Variants in FKBP1A observed in about 807,000 individuals in gnomAD.
FKBP1A encodes FKBP prolyl isomerase 1A.
Under a neutral mutation model 14.2 loss-of-function variants are expected in FKBP1A, and 5 were observed. The observed-to-expected ratio is 0.35, with a 90% CI of 0.18 to 0.74. FKBP1A has a LOEUF of 0.74. FKBP1A is among the 30% of genes least tolerant of loss of function. FKBP1A has a pLI of 0.56. For synonymous variants in FKBP1A, 42 were observed against 49.1 expected (o/e 0.86, Z 0.60); for missense variants, 53 against 138.8 (o/e 0.38, Z 3.10).
At chr20:1,370,673 T>C (rs2089452107) in intron 4 of FKBP1A, 1 of 985,310 alleles carries the variant, frequency 1.0e-6, no homozygotes, top group Non-Finnish European at 1.2e-6. Flanking sequence ...GCTGAGACAT[T>C]CTTTGGCAGT....
chr20:1,388,951 T>TCTAATGCACCGAG (rs2089700496), intron 2 of FKBP1A, among the ~76,000 whole-genome samples: 2 of 152,210 alleles, frequency 1.3e-5, no homozygotes, highest in African/African-American at 2.4e-5. Flanking sequence ...GGCTCCAGCC[T>TCTAATGCACCGAG]CAGGGTCCTG....
exon 1 of FKBP1A, chr20:1,393,035 GGGCGGCGTGGACCAACAGCGACCT>G (rs1353788926): frequency 7.3e-7 from 1 of 1,375,114 alleles, no homozygotes; most frequent in Non-Finnish European, 9.6e-7. Flanking sequence ...GCGGCGCGAC[GGGCGGCGTGGACCAACAGCGACCT>G]GGCGGCGGTT....
chr20:1,375,711 G>A, intron 2 of FKBP1A, 108 bp from the exon 3 acceptor site: 1 of 799,280 alleles, frequency 1.3e-6, no homozygotes, highest in Non-Finnish European at 2.2e-6. Flanking sequence ...GAGTCTGGCA[G>A]GAACTGCAGT....
Position 1,369,061 on chromosome 20 carries a change from G to T in FKBP1A, c.*1048C>A, listed in dbSNP as rs1458621211. ...GGTGCTGGGGGAAGGGTGCAGCAAC[G>T]ATTTCTCACCAAATCACTACACAGG... On this transcript the variant is annotated 3_prime_UTR_variant, in exon 5 of 5. Transcript: ENST00000400137. 6.0e-6 allele frequency: 1 copy of T among 166,986 alleles called. No homozygotes were observed. The highest frequency in any genetic ancestry group is 1.5e-5 in the Non-Finnish European group (1 of 68,116). The allele number at this position is 166,986 out of a possible 1,614,324, so 10.3% of individuals were successfully genotyped here.
Position 1,379,170 on chromosome 20 carries a change from C to T in FKBP1A, c.86-3567G>A, listed in dbSNP as rs1216819990. On this transcript the variant is annotated intron_variant, in intron 2 of 4. Coordinates refer to ENST00000400137, the MANE Select transcript of FKBP1A (RefSeq NM_000801.5). This position sits in a 1 kb window ranked among gnomAD's most constrained non-coding sequence, Gnocchi z 4.3. ...GATCGTATTTTGATTGCAGTGAAAG[C>T]CACAGGGTACTGAGACAGACTCCCT... Among the ~76,000 whole-genome samples the T allele has an allele frequency of 6.6e-6, 1 of 152,150 alleles. No homozygotes were observed.
In FKBP1A at chr20:1,392,821, GC is replaced by G. The variant is rs1206631403; in HGVS notation, c.85+12del. On this transcript the variant is annotated intron_variant, in intron 2 of 4. Coordinates refer to ENST00000400137, the MANE Select transcript of FKBP1A (RefSeq NM_000801.5). ...GCGGCCCGGGCCCCCTCCCCGCTGG[GC>G]CCCCGACTCACCGGTGTAGTGCACC... 8 of 1,496,234 alleles carry G rather than the reference GC, an allele frequency of 5.3e-6. No homozygotes were observed. The highest frequency in any genetic ancestry group is 2.9e-5 in the East Asian group (1 of 34,910). 92.7% of individuals were successfully genotyped at this position (1,496,234 alleles called of 1,614,324 possible).
At chr20:1,370,244 C>T in intron 4 of FKBP1A, 172 bp from the exon 5 acceptor site, 1 of 985,456 alleles carries the variant, frequency 1.0e-6, no homozygotes, top group Non-Finnish European at 1.2e-6. Context: ...TGGGCTGGGT[C>T]CCAGGTGAAA....
intron 2 of FKBP1A, among the ~76,000 whole-genome samples, chr20:1,390,183 T>C (rs1464492772): frequency 6.6e-6 from 1 of 152,058 alleles, no homozygotes; most frequent in Admixed American, 6.6e-5. Flanking sequence ...CACCCCTCTT[T>C]CTCTGGACCC....
At chr20:1,390,222 G>T (rs914666934) in intron 2 of FKBP1A, among the ~76,000 whole-genome samples, 2 of 152,030 alleles carry the variant, frequency 1.3e-5, no homozygotes, top group Non-Finnish European at 2.9e-5. Flanking sequence ...TGGACACCTG[G>T]CAAGAGCTGA....
intron 2 of FKBP1A, among the ~76,000 whole-genome samples, chr20:1,387,485 A>G (rs77538546): frequency 0.043 from 6,533 of 152,274 alleles, 490 homozygotes; most frequent in African/African-American, 0.15. Flanking sequence ...AGAGGGGGAA[A>G]AAGTCACTTG....
chr20:1,370,504 A>T, intron 4 of FKBP1A: 1 of 982,880 alleles, frequency 1.0e-6, no homozygotes, highest in African/African-American at 1.7e-5. Context: ...AAGTCTTAAA[A>T]ATTTCCCAGG....
chr20:1,370,580 A>G, intron 4 of FKBP1A: 1 of 985,404 alleles, frequency 1.0e-6, no homozygotes, highest in Non-Finnish European at 1.2e-6. Flanking sequence ...ATACTGGGAA[A>G]ATATCTCCAG....
chr20:1,390,337 A>C (rs892898904), intron 2 of FKBP1A, among the ~76,000 whole-genome samples: 5 of 77,542 alleles, frequency 6.4e-5, no homozygotes, highest in Non-Finnish European at 1.2e-4. Flanking sequence ...AAGACAGAGA[A>C]GCTGGCCATG....
rs994624170 is a variant in FKBP1A, at chr20:1,379,887, A to G, written c.86-4284T>C. Among the ~76,000 whole-genome samples, 2 of 152,228 alleles carry G rather than the reference A, an allele frequency of 1.3e-5. No homozygotes were observed. Among genetic ancestry groups the G allele is most frequent in the African/African-American group, 2.4e-5 (1 of 41,468 alleles). On this transcript the variant is annotated intron_variant, in intron 2 of 4. Coordinates refer to ENST00000400137, the MANE Select transcript of FKBP1A (RefSeq NM_000801.5). The surrounding 1 kb of genome is among the most constrained non-coding windows in gnomAD (Gnocchi z 4.3). ...GTGGGGAGGAACAGGCCACTTATCTATGGCCCTAAGTTGTCAGCCTGGGGG... is the reference window on the plus strand; with the variant it reads ...GTGGGGAGGAACAGGCCACTTATCTGTGGCCCTAAGTTGTCAGCCTGGGGG...
At chr20:1,391,460 C>T (rs893432946) in intron 2 of FKBP1A, 29 of 387,724 alleles carry the variant, frequency 7.5e-5, no homozygotes, top group Non-Finnish European at 1.2e-4. Context: ...ACTGCCTGCT[C>T]CCCAGAAAGA....
chr20:1,389,937 G>A (rs1430029401), intron 2 of FKBP1A, among the ~76,000 whole-genome samples: 2 of 152,160 alleles, frequency 1.3e-5, no homozygotes, highest in Non-Finnish European at 2.9e-5. Flanking sequence ...CTTAGCTGGT[G>A]ATAGTGAACT....
At position 1,392,852 on chromosome 20, in the gene FKBP1A, A is replaced by G; in HGVS notation, c.67T>C (p.Cys23Arg). 1 of 1,506,644 alleles carries G rather than the reference A, an allele frequency of 6.6e-7. No homozygotes were observed. The allele number at this position is 1,506,644 out of a possible 1,614,324, so 93.3% of individuals were successfully genotyped here. A position where few individuals can be genotyped will look rare whatever the true frequency, so the allele number is the denominator to read the frequency against. Reference protein sequence around the residue: ...GRTFPKRGQTCVVHYTGMLED... With the variant: ...GRTFPKRGQTRVVHYTGMLED... The stretch of plus-strand genomic sequence containing the variant: ...GACTCACCGGTGTAGTGCACCACGC[A>G]GGTCTGGCCGCGCTTGGGGAAGGTG... Residue 23 changes from cysteine to arginine, a missense_variant, in exon 2 of 5, where the codon TGC becomes CGC. Around this residue, in one of 2 missense-constraint regions of FKBP1A, gnomAD observed 35 missense variants for 118.1 expected, o/e 0.30. Coordinates refer to ENST00000400137, the MANE Select transcript of FKBP1A (RefSeq NM_000801.5).
intron 2 of FKBP1A, 70 bp downstream of exon 2, chr20:1,392,764 C>A: frequency 7.8e-7 from 1 of 1,275,542 alleles, no homozygotes; most frequent in South Asian, 1.6e-5. Context: ...GCCCCCAGGC[C>A]TCGACGGCCA....
intron 2 of FKBP1A, among the ~76,000 whole-genome samples, chr20:1,382,883 C>A (rs1884392): frequency 0.54 from 82,334 of 152,030 alleles, 23,266 homozygotes; most frequent in East Asian, 0.77. Flanking sequence ...AAAGGGTTTA[C>A]AAAACAAGAC....
Sources: gnomAD v4.1 joint callset for allele counts (sites outside exome capture counted in the v4.1 genomes callset) on GRCh38, gnomAD v4.1.1 for gene constraint, gnomAD v4.1.1 regional missense constraint, Gnocchi (gnomAD v3.1) non-coding constraint, MANE v1.5 for transcripts, NCBI Gene and HGNC (gene_info 2026-07-23, HGNC 2026-07-21) for gene names.